Variants in PARPBP observed in about 807,000 individuals in gnomAD.
PARPBP encodes PCNA-interacting partner.
Under a neutral mutation model 50.0 loss-of-function variants are expected in PARPBP, and 52 were observed. The ratio of observed to expected loss-of-function variants is 1.04; its 90% CI spans 0.83 to 1.31. The LOEUF (loss-of-function observed/expected upper bound fraction) is 1.31. PARPBP is among the 50% of genes most tolerant of loss of function. The pLI is 0.00. For missense variants in PARPBP, 697 were observed against 672.0 expected, an observed-to-expected ratio of 1.04 and a Z score of -0.41; for synonymous variants, 244 against 232.1, an observed-to-expected ratio of 1.05 and a Z score of -0.47.
chr12:102,196,561 C>T lies in PARPBP; in HGVS notation c.*270C>T. ...TCTTTTAAAACAGACATTTAACATA[C>T]ACAAGTTATAGTAGCAGTATGGGCT... is the stretch of plus-strand genomic sequence containing the variant. On this transcript the variant is annotated 3_prime_UTR_variant, in exon 11 of 11. Coordinates refer to ENST00000327680, the MANE Select transcript of PARPBP (RefSeq NM_017915.5). 2 of 922,174 alleles carry T rather than the reference C, an allele frequency of 2.2e-6. No individual in the cohort carries two copies. Among genetic ancestry groups the T allele is most frequent in the Non-Finnish European group, 3.6e-6 (2 of 555,402 alleles). 57.1% of individuals were successfully genotyped at this position (922,174 alleles called of 1,614,324 possible).
At chr12:102,178,905 T>C (rs1889560481) in intron 8 of PARPBP, 135 bp downstream of exon 8, 1 of 532,860 alleles carries the variant, frequency 1.9e-6, no homozygotes, top group Non-Finnish European at 3.2e-6. Context: ...TAAAGGGAGA[T>C]TGAACATTTG....
intron 2 of PARPBP, among the ~76,000 whole-genome samples, chr12:102,145,826 C>T (rs1269047461): frequency 6.6e-6 from 1 of 152,152 alleles, no homozygotes; most frequent in Non-Finnish European, 1.5e-5. Context: ...TTTCATGTGT[C>T]CATGAGCTGA....
chr12:102,184,292 G>T (rs1017722507), intron 9 of PARPBP, among the ~76,000 whole-genome samples: 1 of 151,918 alleles, frequency 6.6e-6, no homozygotes, highest in East Asian at 1.9e-4. Context: ...GGAGAATGGG[G>T]TATCCATTCT....
Position 102,196,889 on chromosome 12 carries a change from T to C in PARPBP, c.*598T>C. The C allele has an allele frequency of 8.1e-7, 1 of 1,230,480 alleles. No individual in the cohort carries two copies. Among genetic ancestry groups the C allele is most frequent in the Non-Finnish European group, 1.2e-6 (1 of 854,336 alleles). 76.2% of individuals were successfully genotyped at this position (1,230,480 alleles called of 1,614,324 possible). A position where few individuals can be genotyped will look rare whatever the true frequency, so the allele number is the denominator to read the frequency against. On this transcript the variant is annotated 3_prime_UTR_variant, in exon 11 of 11. Coordinates refer to ENST00000327680, the MANE Select transcript of PARPBP (RefSeq NM_017915.5). ...GCCATGGTCTTATTTGATTTTGTTA[T>C]GATTGCATCCAAATTCACTTTAACT...
chr12:102,193,726 G>T (rs998974715), intron 9 of PARPBP, among the ~76,000 whole-genome samples: 8 of 151,988 alleles, frequency 5.3e-5, no homozygotes, highest in Non-Finnish European at 1.2e-4. Flanking sequence ...CTTTAAATCT[G>T]TAGTTATAGG....
At chr12:102,151,072 C>G (rs1012653477) in intron 3 of PARPBP, among the ~76,000 whole-genome samples, 1 of 151,688 alleles carries the variant, frequency 6.6e-6, no homozygotes, top group Non-Finnish European at 1.5e-5. Context: ...AAACAACACA[C>G]CATTTAAGGG....
chr12:102,195,385 G>T lies in PARPBP; in HGVS notation c.1337G>T (p.Trp446Leu), dbSNP rs1447077054. 8 of 1,588,672 alleles carry T rather than the reference G, an allele frequency of 5.0e-6. No individual in the cohort carries two copies. The highest frequency in any genetic ancestry group is 2.6e-6 in the Non-Finnish European group (3 of 1,162,704). The change falls in exon 10 of 11, where the codon TGG becomes TTG. Residue 446 changes from tryptophan to leucine, a missense_variant. Physicochemically the swap from Trp to Leu is moderately conservative, Grantham distance 61 (BLOSUM62 -2). Transcript: ENST00000327680. ...KDDYMISKDN[W>L]NNVNLASKPL... The stretch of plus-strand genomic sequence containing the variant: ...GACTACATGATAAGCAAGGATAATT[G>T]GAATAATGTTAATTTAGCATCAAAG...
chr12:102,187,170 T>C (rs1459963386), intron 9 of PARPBP, among the ~76,000 whole-genome samples: 1 of 152,134 alleles, frequency 6.6e-6, no homozygotes, highest in Non-Finnish European at 1.5e-5. Flanking sequence ...TGTAATCAGA[T>C]GCAATAAGCT....
intron 6 of PARPBP, among the ~76,000 whole-genome samples, chr12:102,170,582 T>C (rs1324026738): frequency 6.6e-6 from 1 of 152,224 alleles, no homozygotes; most frequent in Admixed American, 6.5e-5. Flanking sequence ...GACTGGAGTT[T>C]GCAGCACTTG....
At chr12:102,141,405 A>G (rs906591443) in intron 2 of PARPBP, among the ~76,000 whole-genome samples, 2 of 152,050 alleles carry the variant, frequency 1.3e-5, no homozygotes, top group African/African-American at 4.8e-5. Flanking sequence ...GGTCTCCTGA[A>G]TACAGCACAC....
intron 6 of PARPBP, among the ~76,000 whole-genome samples, chr12:102,172,981 G>T (rs1209244871): frequency 6.6e-6 from 1 of 152,204 alleles, no homozygotes; most frequent in Non-Finnish European, 1.5e-5. Flanking sequence ...GATTACAGAA[G>T]TATGGCAGAC....
At chr12:102,186,399 A>T (rs751936226) in intron 9 of PARPBP, among the ~76,000 whole-genome samples, 76 of 151,976 alleles carry the variant, frequency 5.0e-4, no homozygotes, top group Non-Finnish European at 7.8e-4. Context: ...GTCCCATAAG[A>T]TGCATATTTA....
chr12:102,138,759 T>G (rs1158038708), intron 2 of PARPBP, among the ~76,000 whole-genome samples: 5 of 152,180 alleles, frequency 3.3e-5, no homozygotes, highest in African/African-American at 7.2e-5. Flanking sequence ...TTTCCCGATT[T>G]CTTGTTTTTG....
intron 10 of PARPBP, 112 bp downstream of exon 10, chr12:102,195,559 T>A (rs557115733): frequency 4.9e-5 from 38 of 775,322 alleles, no homozygotes; most frequent in Admixed American, 1.1e-4. Flanking sequence ...ATGTAAAGGG[T>A]AATATTTTTA....
intron 3 of PARPBP, chr12:102,151,614 G>A: frequency 2.0e-6 from 3 of 1,535,672 alleles, no homozygotes; most frequent in Non-Finnish European, 2.6e-6. Context: ...GCTTGCTGCT[G>A]TCTAGGCCAG....
chr12:102,126,670 C>T (rs1020459341), intron 2 of PARPBP, among the ~76,000 whole-genome samples: 12 of 152,096 alleles, frequency 7.9e-5, no homozygotes, highest in African/African-American at 2.4e-4. Flanking sequence ...GCCTGTAGTC[C>T]CAGCTACTCG....
intron 9 of PARPBP, among the ~76,000 whole-genome samples, chr12:102,186,031 C>T (rs1273743636): frequency 6.6e-6 from 1 of 152,102 alleles, no homozygotes; most frequent in Non-Finnish European, 1.5e-5. Context: ...CTTCATGGTT[C>T]AATCTTGGTA....
At position 102,197,167 on chromosome 12, in the gene PARPBP, G is replaced by C; in HGVS notation, c.*876G>C. On this transcript the variant is annotated 3_prime_UTR_variant, in exon 11 of 11. Transcript: ENST00000327680. ...ATTTAAGAAATTATGTTTGGAGCCT[G>C]TGTTCTGTAAAGAGAAGGTTGATTT... is the stretch of plus-strand genomic sequence containing the variant. The C allele has an allele frequency of 6.2e-7, 1 of 1,610,560 alleles. No homozygotes were observed. The highest frequency in any genetic ancestry group is 8.5e-7 in the Non-Finnish European group (1 of 1,177,530).
chr12:102,128,896 T>A (rs546516272), intron 2 of PARPBP, among the ~76,000 whole-genome samples: 9 of 152,340 alleles, frequency 5.9e-5, no homozygotes, highest in Middle Eastern at 6.8e-3. Flanking sequence ...ACTTTCATAC[T>A]GTAATGCTTA....
Sources: allele counts gnomAD v4.1 joint callset (sites outside exome capture counted in the v4.1 genomes callset), GRCh38; gene constraint gnomAD v4.1.1; transcripts MANE v1.5; gene names NCBI Gene and HGNC (gene_info 2026-07-23, HGNC 2026-07-21).